Variants in ARHGEF10L observed in about 807,000 individuals in gnomAD.
ARHGEF10L encodes the protein Rho guanine nucleotide exchange factor 10 like.
ARHGEF10L carries 69 observed loss-of-function variants against 141.2 expected under a neutral mutation model. The ratio of observed to expected loss-of-function variants is 0.49; its 90% CI spans 0.40 to 0.60. The LOEUF (loss-of-function observed/expected upper bound fraction) is 0.60. Ranked by LOEUF, ARHGEF10L falls within the 20% of genes least tolerant of loss-of-function variation. The pLI is 0.00. For synonymous variants in ARHGEF10L, 711 were observed against 718.5 expected (o/e 0.99, Z 0.17); for missense variants, 1,482 against 1,734.3 (o/e 0.85, Z 2.58).
chr1:17,608,631 A>G (rs532546505), intron 7 of ARHGEF10L, among the ~76,000 whole-genome samples: 18 of 152,138 alleles, frequency 1.2e-4, no homozygotes, highest in African/African-American at 4.1e-4. Flanking sequence ...CTTCTTTCCC[A>G]TGGCACCCAT....
intron 14 of ARHGEF10L, 101 bp downstream of exon 14, chr1:17,626,149 G>A: frequency 1.0e-6 from 1 of 996,038 alleles, no homozygotes; most frequent in Non-Finnish European, 1.5e-6. Flanking sequence ...TCTTGTCCGT[G>A]ATCCATAACC....
chr1:17,575,750 G>A (rs977317889), intron 1 of ARHGEF10L, among the ~76,000 whole-genome samples: 3 of 152,206 alleles, frequency 2.0e-5, no homozygotes, highest in South Asian at 2.1e-4. Flanking sequence ...TTGGCCTAGC[G>A]TGTGTCTAAT....
intron 21 of ARHGEF10L, among the ~76,000 whole-genome samples, chr1:17,645,243 A>G (rs556062894): frequency 3.7e-4 from 56 of 152,246 alleles, no homozygotes; most frequent in African/African-American, 1.3e-3. Flanking sequence ...GCAGTCTTCT[A>G]ATTTGGTCTC....
chr1:17,544,908 A>G (rs1330763159), intron 1 of ARHGEF10L, among the ~76,000 whole-genome samples: 2 of 152,152 alleles, frequency 1.3e-5, no homozygotes, highest in African/African-American at 4.8e-5. Flanking sequence ...TGTGTAAGGG[A>G]ACTGTCCTTT....
At chr1:17,541,300 C>T (rs999325380) in intron 1 of ARHGEF10L, among the ~76,000 whole-genome samples, 1 of 152,168 alleles carries the variant, frequency 6.6e-6, no homozygotes, top group Non-Finnish European at 1.5e-5. Context: ...AGGGTTCCTG[C>T]CCCAGTTGTG....
intron 4 of ARHGEF10L, among the ~76,000 whole-genome samples, chr1:17,599,705 A>C (rs916555287): frequency 3.9e-5 from 6 of 152,142 alleles, no homozygotes; most frequent in Non-Finnish European, 7.3e-5. Flanking sequence ...TCATTGGTGG[A>C]AAGTGTCTCC....
rs2060229202 is a variant in ARHGEF10L at position 17,623,697 on chromosome 1, G to A, written c.1200+522G>A. ...GCTTGCCATCTGTGGAATGAGGGGT[G>A]CACTGGATTTCTGGCTTTTCTAGCT... On this transcript the variant is annotated intron_variant, in intron 12 of 28. Coordinates refer to ENST00000361221, the MANE Select transcript of ARHGEF10L (RefSeq NM_018125.4). This position sits in a 1 kb window ranked among gnomAD's most constrained non-coding sequence, Gnocchi z 4.7. 6.6e-6 allele frequency among the ~76,000 whole-genome samples: 1 copy of A among 152,224 alleles called. No individual in the cohort carries two copies. The highest frequency in any genetic ancestry group is 1.5e-5 in the Non-Finnish European group (1 of 68,048).
rs201346737 is a variant in ARHGEF10L at position 17,632,434 on chromosome 1, C to T, written c.1698C>T (p.Asn566=). ...AGGAGCGTCGGGTCTTCCTGCTCAACGACATGCTTGTCTGTGCCAACATCA... is the reference window on the plus strand; with the variant it reads ...AGGAGCGTCGGGTCTTCCTGCTCAATGACATGCTTGTCTGTGCCAACATCA... ...KSKERRVFLL[N]DMLVCANINF... is the part of the protein sequence containing the mutation. Residue 566 remains asparagine, a synonymous_variant, in exon 16 of 29, where the codon AAC becomes AAT. Transcript: ENST00000361221. The T allele has an allele frequency of 1.0e-4, 162 of 1,614,048 alleles. No homozygotes were observed. The highest frequency in any genetic ancestry group is 1.3e-4 in the Non-Finnish European group (149 of 1,180,036).
At chr1:17,611,162 C>T (rs1245618587) in intron 7 of ARHGEF10L, among the ~76,000 whole-genome samples, 2 of 152,196 alleles carry the variant, frequency 1.3e-5, no homozygotes, top group African/African-American at 4.8e-5. Flanking sequence ...CTAACATTTC[C>T]TAGTTCTTCT....
intron 19 of ARHGEF10L, 26 bp downstream of exon 19, chr1:17,638,029 G>T: frequency 6.4e-7 from 1 of 1,553,582 alleles, no homozygotes; most frequent in Non-Finnish European, 8.7e-7. Flanking sequence ...TGACCTTTTT[G>T]GCCTGAGCTC....
Position 17,635,213 on chromosome 1 carries a change from C to T in ARHGEF10L, c.1927+197C>T, listed in dbSNP as rs560882064. Among the ~76,000 whole-genome samples, 13 of 152,264 alleles carry T rather than the reference C, an allele frequency of 8.5e-5. No individual in the cohort carries two copies. In the South Asian group the frequency reaches 2.7e-3, roughly 32 times the overall value. On this transcript the variant is annotated intron_variant, in intron 18 of 28. Transcript: ENST00000361221. Reference sequence around the variant, plus strand: ...AGAGCCATGGCCTCACCTGGGTGTGCGCAGGTGCATCTCCCAATCCACACA... The same window carrying T: ...AGAGCCATGGCCTCACCTGGGTGTGTGCAGGTGCATCTCCCAATCCACACA...
chr1:17,621,938 C>T lies in ARHGEF10L; in HGVS notation c.1017C>T (p.Leu339=). Residue 339 remains leucine (L), a synonymous_variant, in exon 11 of 29, where the codon CTC becomes CTT. Transcript: ENST00000361221. The surrounding 1 kb of genome is among the most constrained non-coding windows in gnomAD (Gnocchi z 4.1). ...ACGTGGAGTCTCTGAAGCGGATACTCCAGGTGCGACTTCAGGGAGTTCTCA... is the reference window on the plus strand; with the variant it reads ...ACGTGGAGTCTCTGAAGCGGATACTTCAGGTGCGACTTCAGGGAGTTCTCA... The part of the protein sequence containing the change: ...GSYVESLKRI[L]QDYRNPLMEM... The T allele has an allele frequency of 6.2e-7, 1 of 1,614,134 alleles. No individual in the cohort carries two copies. The highest frequency in any genetic ancestry group is 8.5e-7 in the Non-Finnish European group (1 of 1,180,010).
chr1:17,589,989 C>A (rs1375334433), intron 4 of ARHGEF10L, among the ~76,000 whole-genome samples: 1 of 152,028 alleles, frequency 6.6e-6, no homozygotes, highest in African/African-American at 2.4e-5. Context: ...GGAGTGCCTG[C>A]TGAGGAAGCC....
In ARHGEF10L at chr1:17,695,263, G is replaced by A. The variant is rs201041300; in HGVS notation, c.3290G>A (p.Gly1097Asp). The A allele has an allele frequency of 6.3e-7, 1 of 1,589,598 alleles. No homozygotes were observed. The highest frequency in any genetic ancestry group is 1.2e-5 in the South Asian group (1 of 86,042). ...IVLLPVPRLE[G>D]IPKITGKGMV... ...CTGCTGCCCGTGCCTCGGCTGGAAGGCATCCCCAAGATCACAGGTGAGGCT... is the reference window on the plus strand; with the variant it reads ...CTGCTGCCCGTGCCTCGGCTGGAAGACATCCCCAAGATCACAGGTGAGGCT... Residue 1097 changes from glycine to aspartate, a missense_variant, in exon 28 of 29, where the codon GGC (glycine) becomes GAC (aspartate). Gly to Asp is a moderately conservative substitution (Grantham distance 94). Transcript: ENST00000361221.
chr1:17,650,068 A>AT (rs1470964625), intron 22 of ARHGEF10L, among the ~76,000 whole-genome samples: 3 of 152,122 alleles, frequency 2.0e-5, no homozygotes, highest in Admixed American at 6.5e-5. Flanking sequence ...TATAGTTCGC[A>AT]TTTTTTGGAT....
intron 9 of ARHGEF10L, among the ~76,000 whole-genome samples, chr1:17,618,716 G>C (rs533474236): frequency 2.0e-5 from 3 of 152,122 alleles, no homozygotes; most frequent in African/African-American, 4.8e-5. Context: ...AACCCTCTCC[G>C]GAGCCTCCCT....
chr1:17,633,692 G>A (rs2060836258), intron 16 of ARHGEF10L, among the ~76,000 whole-genome samples: 1 of 152,148 alleles, frequency 6.6e-6, no homozygotes, highest in South Asian at 2.1e-4. Flanking sequence ...CAATAGTATG[G>A]CTACCATCAC....
chr1:17,697,617 A>C lies in ARHGEF10L; in HGVS notation c.*237A>C. ...TCTGGAGGAAATGGCCTTCTTTTTA[A>C]AAGCAAAAAACACAAAACCTCACAA... On this transcript the variant is annotated 3_prime_UTR_variant, in exon 29 of 29. Coordinates refer to ENST00000361221, the MANE Select transcript of ARHGEF10L (RefSeq NM_018125.4). This position sits in a 1 kb window ranked among gnomAD's most constrained non-coding sequence, Gnocchi z 4.8. The C allele has an allele frequency of 1.5e-6, 1 of 665,358 alleles. No individual in the cohort carries two copies. The highest frequency in any genetic ancestry group is 2.7e-6 in the Non-Finnish European group (1 of 364,788). The allele number at this position is 665,358 out of a possible 1,614,324, so 41.2% of individuals were successfully genotyped here.
intron 26 of ARHGEF10L, among the ~76,000 whole-genome samples, chr1:17,684,946 TCA>T (rs2064437955): frequency 6.6e-6 from 1 of 152,100 alleles, no homozygotes; most frequent in Non-Finnish European, 1.5e-5. Flanking sequence ...CTTGGACAGC[TCA>T]CAGTCTTGCC....
Sources: gnomAD v4.1 joint callset for allele counts (sites outside exome capture counted in the v4.1 genomes callset) on GRCh38, gnomAD v4.1.1 for gene constraint, Gnocchi (gnomAD v3.1) non-coding constraint, MANE v1.5 for transcripts, NCBI Gene and HGNC (gene_info 2026-07-23, HGNC 2026-07-21) for gene names.